RBFOX3: variants seen among roughly 807,000 people sequenced by gnomAD.
The protein encoded by RBFOX3 is RNA binding protein fox-1 homolog 3.
Under a neutral mutation model 48.7 loss-of-function variants are expected in RBFOX3, and 17 were observed. The ratio of observed to expected loss-of-function variants is 0.35; its 90% CI spans 0.24 to 0.52. The LOEUF (loss-of-function observed/expected upper bound fraction) is 0.52. Ranked by LOEUF, RBFOX3 falls within the 20% of genes least tolerant of loss-of-function variation. The pLI is 0.94. For missense variants in RBFOX3, 382 were observed against 497.5 expected (o/e 0.77, Z 2.21); for synonymous variants, 212 against 209.5 (o/e 1.01, Z -0.10).
chr17:79,327,786 C>T (rs2079559538), intron 2 of RBFOX3, among the ~76,000 whole-genome samples: 1 of 152,160 alleles, frequency 6.6e-6, no homozygotes, highest in African/African-American at 2.4e-5. Context: ...ACCTCCGCCT[C>T]CTGGGTTCAA....
At chr17:79,278,533 G>A (rs1396816195) in intron 3 of RBFOX3, among the ~76,000 whole-genome samples, 3 of 96,276 alleles carry the variant, frequency 3.1e-5, no homozygotes, top group Non-Finnish European at 6.3e-5. Context: ...AGTGAGGTGG[G>A]GAACCAGGGA....
intron 1 of RBFOX3, among the ~76,000 whole-genome samples, chr17:79,515,113 C>A (rs2085057060): frequency 6.6e-6 from 1 of 152,340 alleles, no homozygotes; most frequent in Admixed American, 6.5e-5. Flanking sequence ...TCTGGCCCCA[C>A]CCACACATCT....
At chr17:79,612,584 T>C (rs2093977118), upstream of RBFOX3, among the ~76,000 whole-genome samples, 1 of 152,184 alleles carries the variant, frequency 6.6e-6, no homozygotes. Context: ...CATTGATCTG[T>C]CTTGGCCGGT....
chr17:79,356,370 T>G (rs1180032167), intron 2 of RBFOX3, among the ~76,000 whole-genome samples: 4 of 124,218 alleles, frequency 3.2e-5, no homozygotes, highest in Admixed American at 1.6e-4. Context: ...TTTTTTTTTT[T>G]TTTTTTTTTT....
At chr17:79,638,288 T>G in the RBFOX3 span, among the ~76,000 whole-genome samples, 4 of 135,436 alleles carry the variant, frequency 3.0e-5, no homozygotes, top group African/African-American at 1.1e-4. Context: ...TAGGTAAAAT[T>G]AACAAAACTG....
At chr17:79,469,711 T>A (rs957599868) in intron 2 of RBFOX3, among the ~76,000 whole-genome samples, 1 of 151,446 alleles carries the variant, frequency 6.6e-6, no homozygotes, top group Non-Finnish European at 1.5e-5. Flanking sequence ...CAGGATGGGG[T>A]GATCTGAGCT....
chr17:79,450,613 T>TA (rs1385192782), intron 2 of RBFOX3, among the ~76,000 whole-genome samples: 1 of 152,068 alleles, frequency 6.6e-6, no homozygotes, highest in Non-Finnish European at 1.5e-5. Flanking sequence ...AATTTCAACT[T>TA]ATGGTGGGTT....
intron 3 of RBFOX3, among the ~76,000 whole-genome samples, chr17:79,287,970 G>A (rs370620499): frequency 6.2e-4 from 94 of 152,282 alleles, no homozygotes; most frequent in African/African-American, 2.2e-3. Flanking sequence ...GGGCCATTCC[G>A]GGCGCTGCTG....
At chr17:79,517,456 A>AC (rs1396690946) in intron 1 of RBFOX3, among the ~76,000 whole-genome samples, 2 of 151,588 alleles carry the variant, frequency 1.3e-5, no homozygotes, top group Admixed American at 6.6e-5. Context: ...AAAAAAAAAA[A>AC]AAAAACAAAC....
At chr17:79,595,181 C>G (rs1888906292) in intron 1 of RBFOX3, among the ~76,000 whole-genome samples, 1 of 151,632 alleles carries the variant, frequency 6.6e-6, no homozygotes, top group African/African-American at 2.4e-5. Flanking sequence ...TCCAGGTGTG[C>G]CGAGGCTGAC....
chr17:79,180,710 C>T (rs1043003860), intron 4 of RBFOX3, among the ~76,000 whole-genome samples: 3 of 152,102 alleles, frequency 2.0e-5, no homozygotes, highest in African/African-American at 7.2e-5. Context: ...TGTGTGTGCT[C>T]ACCTAAAAAC....
Position 79,428,825 on chromosome 17 carries a change from G to A in RBFOX3, c.-175+53629C>T, listed in dbSNP as rs146403134. Among the ~76,000 whole-genome samples the A allele has an allele frequency of 1.9e-3, 284 of 152,298 alleles. 2 individuals are homozygous for A. The highest frequency in any genetic ancestry group is 6.4e-3 in the African/African-American group (266 of 41,550). ...AGTGAATTACTGATGGGTAACCATC[G>A]GTCTAATTTCTGTCTGTATGAATTT... On this transcript the variant is annotated intron_variant, in intron 2 of 14. Transcript: ENST00000693108.
intron 4 of RBFOX3, among the ~76,000 whole-genome samples, chr17:79,159,905 G>A (rs1371492478): frequency 1.3e-5 from 2 of 152,232 alleles, no homozygotes; most frequent in African/African-American, 4.8e-5. Context: ...CAGCGAGGGT[G>A]CATGCGTGTC....
At chr17:79,628,628 T>C in the RBFOX3 span, among the ~76,000 whole-genome samples, 3 of 152,178 alleles carry the variant, frequency 2.0e-5, no homozygotes, top group African/African-American at 7.2e-5. Context: ...CACCATGTTT[T>C]GTAGCCAGCA....
chr17:79,595,415 C>T lies in RBFOX3; in HGVS notation c.-320+15411G>A, dbSNP rs1012995297. On this transcript the variant is annotated intron_variant, in intron 1 of 14. Coordinates refer to ENST00000693108, the MANE Select transcript of RBFOX3 (RefSeq NM_001350451.2). ...AAGCACTGAGAATACCAGATGAAGA[C>T]GAGACAGTGCACCAGGTCCACACGC... is the stretch of plus-strand genomic sequence containing the variant. Among the ~76,000 whole-genome samples, 223 of 152,294 alleles carry T rather than the reference C, an allele frequency of 1.5e-3. 2 individuals carry two copies. In the South Asian group the frequency reaches 0.025, roughly 17 times the overall value.
At chr17:79,266,329 T>G (rs1216132364) in intron 3 of RBFOX3, among the ~76,000 whole-genome samples, 12 of 152,220 alleles carry the variant, frequency 7.9e-5, no homozygotes, top group Non-Finnish European at 1.5e-5. Context: ...TCCAGGCACC[T>G]TCTCACCTTG....
chr17:79,478,382 C>A (rs1390810601), intron 2 of RBFOX3, among the ~76,000 whole-genome samples: 1 of 152,114 alleles, frequency 6.6e-6, no homozygotes. Flanking sequence ...AGCCCCATGG[C>A]GTGTGCGGCA....
intron 4 of RBFOX3, among the ~76,000 whole-genome samples, chr17:79,232,792 A>C (rs1197228440): frequency 6.6e-6 from 1 of 152,220 alleles, no homozygotes; most frequent in Non-Finnish European, 1.5e-5. Context: ...CACTAGGGAA[A>C]TATAGATTAA....
chr17:79,546,332 G>A (rs1294517177), intron 1 of RBFOX3, among the ~76,000 whole-genome samples: 1 of 152,200 alleles, frequency 6.6e-6, no homozygotes, highest in African/African-American at 2.4e-5. Flanking sequence ...TCTACAGACA[G>A]TCTCCCTTTT....
Sources: gnomAD v4.1 joint callset for allele counts (sites outside exome capture counted in the v4.1 genomes callset) on GRCh38, gnomAD v4.1.1 for gene constraint, MANE v1.5 for transcripts, NCBI Gene and HGNC (gene_info 2026-07-23, HGNC 2026-07-21) for gene names.